RHBDD1: variants seen among roughly 807,000 people sequenced by gnomAD.
RHBDD1 encodes rhomboid-related protein 4.
In RHBDD1, 38 loss-of-function variants were observed where a neutral mutation model predicts 36.3. The ratio of observed to expected loss-of-function variants is 1.05; its 90% CI spans 0.81 to 1.37. The LOEUF is 1.37. RHBDD1 is among the 40% of genes most tolerant of loss of function. The pLI, the probability that RHBDD1 is intolerant of heterozygous loss-of-function variation, is 0.00. For missense variants in RHBDD1, 393 were observed against 377.6 expected (o/e 1.04, Z -0.34); for synonymous variants, 151 against 136.5 (o/e 1.11, Z -0.74).
At chr2:226,853,324 C>T (rs528534900) in intron 3 of RHBDD1, among the ~76,000 whole-genome samples, 18 of 152,316 alleles carry the variant, frequency 1.2e-4, no homozygotes, top group African/African-American at 2.9e-4. Context: ...CCTGGCATGC[C>T]TCTAGATCAC....
At chr2:226,937,071 T>C (rs1198204379) in intron 8 of RHBDD1, among the ~76,000 whole-genome samples, 3 of 152,206 alleles carry the variant, frequency 2.0e-5, no homozygotes, top group Non-Finnish European at 2.9e-5. Flanking sequence ...GTTATTCATA[T>C]AATTTTTAGC....
At chr2:226,895,821 T>C in intron 5 of RHBDD1, 9 of 985,308 alleles carry the variant, frequency 9.1e-6, no homozygotes, top group Non-Finnish European at 1.1e-5. Flanking sequence ...CAAAACTATT[T>C]AGGCTTATCC....
At chr2:226,866,229 G>A (rs1398988421) in intron 4 of RHBDD1, among the ~76,000 whole-genome samples, 1 of 152,012 alleles carries the variant, frequency 6.6e-6, no homozygotes, top group African/African-American at 2.4e-5. Flanking sequence ...GCACCACCAT[G>A]CCCAGCTAAT....
chr2:226,858,629 G>A (rs1306619242), intron 3 of RHBDD1, among the ~76,000 whole-genome samples: 2 of 152,126 alleles, frequency 1.3e-5, no homozygotes, highest in African/African-American at 2.4e-5. Flanking sequence ...AAGTAGAATT[G>A]AAAATCACTG....
chr2:226,830,510 T>G, the RHBDD1 span, among the ~76,000 whole-genome samples: 11 of 152,328 alleles, frequency 7.2e-5, no homozygotes, highest in South Asian at 2.3e-3. Flanking sequence ...ATTAATTTTT[T>G]GCTAAGAGGG....
chr2:226,937,589 C>T (rs1950411071), intron 8 of RHBDD1, among the ~76,000 whole-genome samples: 1 of 152,106 alleles, frequency 6.6e-6, no homozygotes, highest in Non-Finnish European at 1.5e-5. Context: ...CCTCTTCTTC[C>T]TCTTGCCCTC....
chr2:226,808,543 G>A, the RHBDD1 span: 6 of 152,270 alleles, frequency 3.9e-5, no homozygotes, highest in Admixed American at 1.3e-4. Context: ...TGGCACCTGC[G>A]TTAGAATGAC....
intron 8 of RHBDD1, among the ~76,000 whole-genome samples, chr2:226,967,544 C>T (rs1386440542): frequency 1.6e-5 from 2 of 127,812 alleles, no homozygotes; most frequent in Non-Finnish European, 3.2e-5. Flanking sequence ...CTCCCTTATC[C>T]CACCTCTAAC....
At chr2:226,853,455 C>T (rs939471507) in intron 3 of RHBDD1, among the ~76,000 whole-genome samples, 13 of 152,254 alleles carry the variant, frequency 8.5e-5, no homozygotes, top group Non-Finnish European at 1.6e-4. Flanking sequence ...GCTGCTGGGG[C>T]GGCTCACAGG....
Position 226,997,743 on chromosome 2 carries a change from G to C in RHBDD1, c.*2221G>C, listed in dbSNP as rs142642955. ...TGGTAAAATTGTGATACGCATGGCT[G>C]TTGATGGAGTGGAACATCTTAGTGA... On this transcript the variant is annotated 3_prime_UTR_variant, in exon 9 of 9. Coordinates refer to ENST00000392062, the MANE Select transcript of RHBDD1 (RefSeq NM_001167608.3). The C allele has an allele frequency of 2.0e-3, 312 of 152,340 alleles. 2 individuals are homozygous for C. The highest frequency in any genetic ancestry group is 7.3e-3 in the African/African-American group (302 of 41,590). 9.4% of individuals were successfully genotyped at this position (152,340 alleles called of 1,614,324 possible). A position where few individuals can be genotyped will look rare whatever the true frequency, so the allele number is the denominator to read the frequency against.
intron 8 of RHBDD1, among the ~76,000 whole-genome samples, chr2:226,989,528 T>G (rs1305651386): frequency 6.6e-6 from 1 of 152,174 alleles, no homozygotes; most frequent in Non-Finnish European, 1.5e-5. Context: ...CACTTCAAGG[T>G]GTAGGGGTAG....
intron 5 of RHBDD1, among the ~76,000 whole-genome samples, chr2:226,879,089 A>C (rs1210394360): frequency 6.6e-6 from 1 of 151,634 alleles, no homozygotes; most frequent in East Asian, 1.9e-4. Context: ...AAAAAAAAAA[A>C]ACAGACATAG....
chr2:226,880,132 C>CT (rs904853343), intron 5 of RHBDD1, among the ~76,000 whole-genome samples: 3 of 152,104 alleles, frequency 2.0e-5, no homozygotes, highest in African/African-American at 7.2e-5. Context: ...GTCTTTGTAT[C>CT]TACTTGGACT....
At chr2:226,979,738 T>A (rs1365822526) in intron 8 of RHBDD1, among the ~76,000 whole-genome samples, 1 of 152,208 alleles carries the variant, frequency 6.6e-6, no homozygotes, top group Non-Finnish European at 1.5e-5. Context: ...GACTTGAATG[T>A]CGGTCAGTCT....
chr2:226,920,794 A>G (rs141047946), intron 8 of RHBDD1, among the ~76,000 whole-genome samples: 20 of 152,202 alleles, frequency 1.3e-4, no homozygotes, highest in East Asian at 3.9e-4. Flanking sequence ...CTTTGCATCA[A>G]TGTTCATCAG....
At chr2:226,871,197 T>G (rs1162819602) in intron 5 of RHBDD1, among the ~76,000 whole-genome samples, 2 of 152,204 alleles carry the variant, frequency 1.3e-5, no homozygotes, top group African/African-American at 4.8e-5. Flanking sequence ...AAATTTTATT[T>G]TCAATTTATT....
chr2:226,984,640 T>A lies in RHBDD1; in HGVS notation c.857-10791T>A, dbSNP rs543394510. Among the ~76,000 whole-genome samples, 9 of 152,320 alleles carry A rather than the reference T, an allele frequency of 5.9e-5. No individual in the cohort carries two copies. In the South Asian group the frequency reaches 1.7e-3, roughly 28 times the overall value. ...GCGGACCAGGCAGAACAGCAACAGC[T>A]AACGCCCTGGGGTCGTAGGCTAAGG... On this transcript the variant is annotated intron_variant, in intron 8 of 8. Transcript: ENST00000392062.
At chr2:226,849,521 C>T (rs1942577993) in intron 3 of RHBDD1, among the ~76,000 whole-genome samples, 1 of 152,222 alleles carries the variant, frequency 6.6e-6, no homozygotes, top group African/African-American at 2.4e-5. Context: ...TGCCCTCAGG[C>T]TCCACCTACA....
rs1247197009 is a variant in RHBDD1 at position 226,914,425 on chromosome 2, G to A, written c.856+74G>A. On this transcript the variant is annotated intron_variant, in intron 8 of 8. Transcript: ENST00000392062. ...AAGGTAGTCTGAAAAAGAGCTATTT[G>A]TAGCAAATTAAATTTTAAACAGTTC... 6.7e-6 allele frequency: 10 copies of A among 1,493,448 alleles called. No individual in the cohort carries two copies. The African/African-American group carries it at 9.8e-5, about 15-fold the overall frequency. The allele number at this position is 1,493,448 out of a possible 1,614,324, so 92.5% of individuals were successfully genotyped here. A position where few individuals can be genotyped will look rare whatever the true frequency, so the allele number is the denominator to read the frequency against.
Sources: allele counts gnomAD v4.1 joint callset (sites outside exome capture counted in the v4.1 genomes callset), GRCh38; gene constraint gnomAD v4.1.1; transcripts MANE v1.5; gene names NCBI Gene and HGNC (gene_info 2026-07-23, HGNC 2026-07-21).